The following PREX1 variants were observed in gnomAD, a reference collection of about 807,000 sequenced individuals.
The protein encoded by PREX1 is phosphatidylinositol-3,4,5-trisphosphate dependent Rac exchange factor 1.
PREX1 carries 41 observed loss-of-function variants against 198.3 expected under a neutral mutation model. That is an observed-to-expected ratio of 0.21 (90% CI 0.16 to 0.27). The LOEUF is 0.27. Among genes scored for constraint, PREX1 ranks in the 10% least tolerant of loss-of-function variants. The pLI is 1.00. For missense variants in PREX1, 1,620 were observed against 2,200.7 expected, an observed-to-expected ratio of 0.74 and a Z score of 5.28; for synonymous variants, 843 against 887.2, an observed-to-expected ratio of 0.95 and a Z score of 0.89.
chr20:48,800,889 C>G (rs1380902029), intron 1 of PREX1, among the ~76,000 whole-genome samples: 1 of 152,008 alleles, frequency 6.6e-6, no homozygotes. Context: ...CTCTTAACCT[C>G]AAGCAATCCT....
chr20:48,797,920 C>T (rs2090370409), intron 1 of PREX1, among the ~76,000 whole-genome samples: 2 of 152,216 alleles, frequency 1.3e-5, no homozygotes, highest in Admixed American at 1.3e-4. Context: ...CTGTGACTTT[C>T]CCTAAGCTGC....
the PREX1 span, among the ~76,000 whole-genome samples, chr20:48,864,476 T>C: frequency 6.6e-6 from 1 of 152,246 alleles, no homozygotes; most frequent in African/African-American, 2.4e-5. Flanking sequence ...TTGTGTACTT[T>C]ATGACATTTG....
chr20:48,807,470 T>A (rs551526413), intron 1 of PREX1, among the ~76,000 whole-genome samples: 1 of 152,342 alleles, frequency 6.6e-6, no homozygotes, highest in South Asian at 2.1e-4. Flanking sequence ...ACCATCCTAA[T>A]GAGACTTTTC....
intron 1 of PREX1, among the ~76,000 whole-genome samples, chr20:48,774,155 T>C (rs571526310): frequency 6.6e-6 from 1 of 152,302 alleles, no homozygotes; most frequent in South Asian, 2.1e-4. Flanking sequence ...ACATTTTAAG[T>C]CTGACCTCAC....
At chr20:48,845,693 C>T in the PREX1 span, among the ~76,000 whole-genome samples, 1 of 137,870 alleles carries the variant, frequency 7.3e-6, no homozygotes, top group African/African-American at 2.7e-5. Flanking sequence ...CAAAGCAAGA[C>T]CTTGTTTCCA....
rs146251514 is a variant in PREX1 at position 48,681,328 on chromosome 20, C to T, written c.1342G>A (p.Val448Ile). Residue 448 changes from valine (V) to isoleucine (I), a missense_variant, in exon 11 of 40, where the codon GTT becomes ATT. Val to Ile is a conservative substitution (Grantham distance 29, BLOSUM62 3). Around this residue, in one of 7 missense-constraint regions of PREX1, gnomAD observed 488 missense variants for 802.5 expected, o/e 0.61. Coordinates refer to ENST00000371941, the MANE Select transcript of PREX1 (RefSeq NM_020820.4). ...VPKCFLGNEF[V>I]AWLLEIGEIS... ...TCACCAATTTCTAGGAGCCAGGCAA[C>T]GAACTCACTGCCAGGAACACAATAT... 51 of 1,614,018 alleles carry T rather than the reference C, an allele frequency of 3.2e-5. No homozygotes were observed. Among genetic ancestry groups the T allele is most frequent in the Non-Finnish European group, 3.9e-5 (46 of 1,180,006 alleles).
rs781565440 is a variant in PREX1 at position 48,660,020 on chromosome 20, G to A, written c.1780C>T (p.Arg594Cys). 15 of 1,614,040 alleles carry A rather than the reference G, an allele frequency of 9.3e-6. No homozygotes were observed. The highest frequency in any genetic ancestry group is 4.5e-5 in the East Asian group (2 of 44,894). The change falls in exon 16 of 40, where the codon CGC (arginine) becomes TGC (cysteine). Residue 594 changes from arginine (R) to cysteine (C), a missense_variant. Physicochemically the swap from Arg to Cys is radical, Grantham distance 180 (BLOSUM62 -3). Transcript: ENST00000371941. ...TCCATCTCCTCGTCAGCATGAAAGC[G>A]GAAGTACTGGGACTCATCCCTGAAC... ...SEFRDESQYFRFHADEEMEGT... is the reference protein window; with the variant it reads ...SEFRDESQYFCFHADEEMEGT...
At chr20:48,883,014 CTCTCAGCCT>C in the PREX1 span, among the ~76,000 whole-genome samples, 1 of 150,920 alleles carries the variant, frequency 6.6e-6, no homozygotes, top group Non-Finnish European at 1.5e-5. Context: ...CCACTGCGAC[CTCTCAGCCT>C]CCCGGGTTCA....
chr20:48,745,523 C>T (rs2090103658), intron 2 of PREX1, among the ~76,000 whole-genome samples: 1 of 152,174 alleles, frequency 6.6e-6, no homozygotes, highest in African/African-American at 2.4e-5. Context: ...AGTATGCAGA[C>T]ATTCATCACA....
At chr20:48,734,731 G>T in intron 3 of PREX1, 81 bp from the exon 4 acceptor site, 2 of 1,268,000 alleles carry the variant, frequency 1.6e-6, no homozygotes, top group Non-Finnish European at 2.3e-6. Context: ...CACTGGGCTG[G>T]TAGGGTAGGG....
intron 1 of PREX1, among the ~76,000 whole-genome samples, chr20:48,787,166 C>T (rs1276012037): frequency 1.3e-5 from 2 of 152,116 alleles, no homozygotes; most frequent in Non-Finnish European, 2.9e-5. Context: ...ACAGTGCCCA[C>T]CGCCCCTCAA....
the PREX1 span, among the ~76,000 whole-genome samples, chr20:48,864,687 A>T: frequency 6.6e-6 from 1 of 152,130 alleles, no homozygotes; most frequent in African/African-American, 2.4e-5. Flanking sequence ...TTTCAGATGG[A>T]GGGTTAGGGA....
intron 10 of PREX1, among the ~76,000 whole-genome samples, chr20:48,683,087 C>A (rs1186240673): frequency 6.6e-6 from 1 of 152,144 alleles, no homozygotes; most frequent in Non-Finnish European, 1.5e-5. Context: ...TGTTCTGGGT[C>A]CTGTCCACCC....
At chr20:48,746,548 C>G (rs1324706562) in intron 2 of PREX1, among the ~76,000 whole-genome samples, 4 of 152,098 alleles carry the variant, frequency 2.6e-5, no homozygotes, top group African/African-American at 9.7e-5. Context: ...ATTTCAAGAA[C>G]AGGCAAAACC....
chr20:48,834,696 A>T, the PREX1 span, among the ~76,000 whole-genome samples: 1 of 151,892 alleles, frequency 6.6e-6, no homozygotes, highest in Non-Finnish European at 1.5e-5. Flanking sequence ...AGTAGCTGGG[A>T]CCCCAGGCAT....
At chr20:48,822,417 T>C (rs1385736078) in intron 1 of PREX1, among the ~76,000 whole-genome samples, 1 of 152,204 alleles carries the variant, frequency 6.6e-6, no homozygotes, top group Non-Finnish European at 1.5e-5. Context: ...TGTGTGACCT[T>C]GGGAAACTGA....
chr20:48,626,309 G>A (rs1004834021), intron 39 of PREX1, among the ~76,000 whole-genome samples: 10 of 152,188 alleles, frequency 6.6e-5, no homozygotes, highest in South Asian at 2.1e-4. Context: ...TTTTGGAGCC[G>A]GGGGACCAGA....
At chr20:48,826,457 AC>A (rs970860342) in intron 1 of PREX1, among the ~76,000 whole-genome samples, 14 of 152,146 alleles carry the variant, frequency 9.2e-5, no homozygotes, top group African/African-American at 3.4e-4. Flanking sequence ...GGTTTAGAAC[AC>A]CAGCTGGGAT....
At chr20:48,736,724 G>GGGAAGA (rs1441231679) in intron 3 of PREX1, among the ~76,000 whole-genome samples, 1 of 152,210 alleles carries the variant, frequency 6.6e-6, no homozygotes, top group Non-Finnish European at 1.5e-5. Flanking sequence ...GCAGGCTGCA[G>GGGAAGA]GGAAGAGGAA....
Sources: gnomAD v4.1 joint callset for allele counts (sites outside exome capture counted in the v4.1 genomes callset) on GRCh38, gnomAD v4.1.1 for gene constraint, gnomAD v4.1.1 regional missense constraint, MANE v1.5 for transcripts, NCBI Gene and HGNC (gene_info 2026-07-23, HGNC 2026-07-21) for gene names.